The following ZNG1E variants were observed in gnomAD, a reference collection of about 807,000 sequenced individuals.
ZNG1E encodes zinc-regulated GTPase metalloprotein activator 1E.
chr9:65,690,883 A>T, the ZNG1E span: 2 of 1,549,118 alleles, frequency 1.3e-6, no homozygotes, highest in Non-Finnish European at 1.8e-6. Flanking sequence ...TGTTAATTTT[A>T]TCAGGGCAAA....
At chr9:65,720,098 GAA>G in the ZNG1E span, 2 of 1,591,722 alleles carry the variant, frequency 1.3e-6, no homozygotes, top group Non-Finnish European at 1.7e-6. Context: ...ATCAGGTAAA[GAA>G]AAAAAATCTA....
the ZNG1E span, among the ~76,000 whole-genome samples, chr9:65,659,058 C>A: frequency 2.6e-5 from 4 of 152,194 alleles, no homozygotes; most frequent in Non-Finnish European, 5.9e-5. Context: ...CCTACAAAAA[C>A]TGGAAACAAA....
At chr9:65,662,359 C>T in the ZNG1E span, among the ~76,000 whole-genome samples, 2 of 152,216 alleles carry the variant, frequency 1.3e-5, no homozygotes, top group Non-Finnish European at 1.5e-5. Context: ...TAGGTCTTGG[C>T]CCAGAAACAG....
the ZNG1E span, among the ~76,000 whole-genome samples, chr9:65,676,625 T>C: frequency 6.6e-5 from 10 of 151,754 alleles, no homozygotes; most frequent in African/African-American, 2.4e-4. Flanking sequence ...CAGGAAGTGC[T>C]CCTATCTTAA....
At chr9:65,697,934 CAG>C in the ZNG1E span, among the ~76,000 whole-genome samples, 3 of 146,116 alleles carry the variant, frequency 2.1e-5, no homozygotes, top group African/African-American at 7.7e-5. Context: ...AGGCTAGAAT[CAG>C]GGCTGAATCA....
At chr9:65,693,314 T>C in the ZNG1E span, 3 of 926,028 alleles carry the variant, frequency 3.2e-6, no homozygotes, top group Middle Eastern at 4.2e-4. Flanking sequence ...GTTTAATTTA[T>C]AAAATGCATT....
At chr9:65,680,434 T>A in the ZNG1E span, among the ~76,000 whole-genome samples, 3 of 152,076 alleles carry the variant, frequency 2.0e-5, no homozygotes, top group Non-Finnish European at 4.4e-5. Context: ...TTCTTACTAT[T>A]TTCTTTATTT....
At chr9:65,709,516 C>CA in the ZNG1E span, among the ~76,000 whole-genome samples, 1 of 122,094 alleles carries the variant, frequency 8.2e-6, no homozygotes, top group South Asian at 2.8e-4. Context: ...CCCCAACCCA[C>CA]AACAGTCCCC....
chr9:65,667,187 T>C, the ZNG1E span, among the ~76,000 whole-genome samples: 3 of 152,352 alleles, frequency 2.0e-5, no homozygotes, highest in Admixed American at 1.3e-4. Flanking sequence ...AGCACTATTA[T>C]CAAGATGCAA....
the ZNG1E span, among the ~76,000 whole-genome samples, chr9:65,672,719 G>A: frequency 8.9e-5 from 13 of 145,832 alleles, no homozygotes; most frequent in African/African-American, 1.3e-4. Context: ...CTCCAGCCTC[G>A]GCAACAGAGT....
At chr9:65,670,096 C>T in the ZNG1E span, among the ~76,000 whole-genome samples, 2 of 125,350 alleles carry the variant, frequency 1.6e-5, no homozygotes, top group Non-Finnish European at 3.3e-5. Flanking sequence ...TTCCTTTCCT[C>T]TAAACCAGTA....
chr9:65,687,930 G>T, the ZNG1E span, among the ~76,000 whole-genome samples: 2 of 150,306 alleles, frequency 1.3e-5, no homozygotes, highest in Admixed American at 6.7e-5. Context: ...GTTCTTCTAA[G>T]AACATTTTCC....
chr9:65,710,988 C>T, the ZNG1E span, among the ~76,000 whole-genome samples: 1 of 145,392 alleles, frequency 6.9e-6, no homozygotes, highest in Non-Finnish European at 1.5e-5. Context: ...TACCCATGAG[C>T]ATGGAATGTT....
At chr9:65,709,304 C>T in the ZNG1E span, among the ~76,000 whole-genome samples, 4 of 150,626 alleles carry the variant, frequency 2.7e-5, no homozygotes, top group African/African-American at 7.4e-5. Flanking sequence ...ACTCTCTTCA[C>T]TTTATTTTTT....
chr9:65,706,513 C>G, the ZNG1E span: 766 of 65,388 alleles, frequency 0.012, 1 homozygote, highest in African/African-American at 0.053. Flanking sequence ...AGATCTCATG[C>G]TTTTATCTCC....
At chr9:65,665,376 G>T in the ZNG1E span, among the ~76,000 whole-genome samples, 1 of 152,264 alleles carries the variant, frequency 6.6e-6, no homozygotes, top group Admixed American at 6.5e-5. Flanking sequence ...TGTTGCTTCA[G>T]AGGGTGCAAG....
chr9:65,703,697 A>G, the ZNG1E span: 2 of 965,336 alleles, frequency 2.1e-6, no homozygotes, highest in East Asian at 1.2e-4. Flanking sequence ...GTCTAGTTCT[A>G]CTCAGTCTCT....
chr9:65,681,411 T>C, the ZNG1E span, among the ~76,000 whole-genome samples: 4 of 152,260 alleles, frequency 2.6e-5, no homozygotes, highest in African/African-American at 9.6e-5. Context: ...AATAATGTAG[T>C]GTACTGTAAT....
chr9:65,714,979 G>A, the ZNG1E span, among the ~76,000 whole-genome samples: 13 of 150,238 alleles, frequency 8.7e-5, no homozygotes, highest in Admixed American at 2.0e-4. Context: ...GGGCAATGGC[G>A]GGCGCCCCTC....
Sources: allele counts gnomAD v4.1 joint callset (sites outside exome capture counted in the v4.1 genomes callset), GRCh38; gene constraint gnomAD v4.1.1; transcripts MANE v1.5; gene names NCBI Gene and HGNC (gene_info 2026-07-23, HGNC 2026-07-21).